ELOVL4: variants seen among roughly 807,000 people sequenced by gnomAD.
ELOVL4 encodes the protein ELOVL fatty acid elongase 4.
In ELOVL4, 18 loss-of-function variants were observed where a neutral mutation model predicts 42.1. That is an observed-to-expected ratio of 0.43 (90% CI 0.30 to 0.63). ELOVL4 has a LOEUF of 0.63. ELOVL4 is among the 30% of genes least tolerant of loss of function. The pLI is 0.15. For missense variants in ELOVL4, 299 were observed against 376.2 expected, an observed-to-expected ratio of 0.79 and a Z score of 1.70; for synonymous variants, 117 against 127.0, an observed-to-expected ratio of 0.92 and a Z score of 0.53.
At chr6:79,918,789 A>T (rs1173136384) in intron 5 of ELOVL4, among the ~76,000 whole-genome samples, 3 of 152,228 alleles carry the variant, frequency 2.0e-5, no homozygotes. Flanking sequence ...TGCCACAAAC[A>T]GTCTTACTAG....
At chr6:79,930,770 G>A (rs1236593223) in intron 1 of ELOVL4, among the ~76,000 whole-genome samples, 10 of 151,912 alleles carry the variant, frequency 6.6e-5, no homozygotes, top group South Asian at 2.1e-4. Context: ...TCATTAACTC[G>A]AATGTTTAAA....
chr6:79,930,271 T>C (rs1190746830), intron 1 of ELOVL4, among the ~76,000 whole-genome samples: 1 of 152,172 alleles, frequency 6.6e-6, no homozygotes, highest in East Asian at 1.9e-4. Context: ...TTTCAGCCTA[T>C]AAAAGGCCAC....
chr6:79,934,433 A>G (rs1259535854), intron 1 of ELOVL4, among the ~76,000 whole-genome samples: 1 of 152,110 alleles, frequency 6.6e-6, no homozygotes, highest in Admixed American at 6.5e-5. Context: ...TTAAGATGTG[A>G]TAACTAAATG....
Position 79,915,296 on chromosome 6 carries a change from T to C in ELOVL4, c.*1312A>G, listed in dbSNP as rs1233715057. ...GTTCACTTATATTACATGAAATACT[T>C]CATTTGTAAATAGCAAATTGAATGT... is the stretch of plus-strand genomic sequence containing the variant. On this transcript the variant is annotated 3_prime_UTR_variant, in exon 6 of 6. Coordinates refer to ENST00000369816, the MANE Select transcript of ELOVL4 (RefSeq NM_022726.4). 1 of 152,592 alleles carries C rather than the reference T, an allele frequency of 6.6e-6. No homozygotes were observed. Among genetic ancestry groups the C allele is most frequent in the African/African-American group, 2.4e-5 (1 of 41,462 alleles). The allele number at this position is 152,592 out of a possible 1,614,324, so 9.5% of individuals were successfully genotyped here.
chr6:79,936,307 T>G (rs1386701276), intron 1 of ELOVL4, among the ~76,000 whole-genome samples: 3 of 152,180 alleles, frequency 2.0e-5, no homozygotes, highest in Non-Finnish European at 2.9e-5. Flanking sequence ...CAGTTGCAAA[T>G]TAATTCCTTT....
chr6:79,936,324 A>C (rs527496098), intron 1 of ELOVL4, among the ~76,000 whole-genome samples: 1 of 152,236 alleles, frequency 6.6e-6, no homozygotes, highest in South Asian at 2.1e-4. Context: ...CTTTTTTTTA[A>C]ACATCTGGCT....
In ELOVL4 at chr6:79,947,461, G is replaced by A. The variant is rs1774771837; in HGVS notation, c.-182C>T. 6.4e-6 allele frequency: 4 copies of A among 621,144 alleles called. No homozygotes were observed. The Admixed American group carries it at 8.0e-5, about 12-fold the overall frequency. The allele number at this position is 621,144 out of a possible 1,614,324, so 38.5% of individuals were successfully genotyped here. A position where few individuals can be genotyped will look rare whatever the true frequency, so the allele number is the denominator to read the frequency against. ...GGCGGCGGGGATGCGGCAGAAGGCAGGGCCAAGCGGAAGGCGTCGTCAAGG... is the reference window on the plus strand; with the variant it reads ...GGCGGCGGGGATGCGGCAGAAGGCAAGGCCAAGCGGAAGGCGTCGTCAAGG... On this transcript the variant is annotated 5_prime_UTR_variant, in exon 1 of 6. Coordinates refer to ENST00000369816, the MANE Select transcript of ELOVL4 (RefSeq NM_022726.4).
At chr6:79,924,761 G>A (rs1014646261) in intron 3 of ELOVL4, among the ~76,000 whole-genome samples, 191 bp downstream of exon 3, 1 of 152,148 alleles carries the variant, frequency 6.6e-6, no homozygotes, top group African/African-American at 2.4e-5. Context: ...ATTGAGCCCA[G>A]GAGTTTGAGG....
At chr6:79,922,039 C>T (rs182978670) in intron 3 of ELOVL4, among the ~76,000 whole-genome samples, 2 of 152,248 alleles carry the variant, frequency 1.3e-5, no homozygotes, top group East Asian at 3.9e-4. Flanking sequence ...TCTGTCTATT[C>T]CATAGGTAGA....
At chr6:79,933,934 C>A (rs1008548953) in intron 1 of ELOVL4, among the ~76,000 whole-genome samples, 1 of 152,196 alleles carries the variant, frequency 6.6e-6, no homozygotes, top group African/African-American at 2.4e-5. Flanking sequence ...AAGAAAAGTT[C>A]AGGATTACTC....
At chr6:79,918,687 G>A (rs1774200084) in intron 5 of ELOVL4, among the ~76,000 whole-genome samples, 2 of 152,182 alleles carry the variant, frequency 1.3e-5, no homozygotes. Flanking sequence ...TCTAAAGCTT[G>A]AAAAATAGTT....
chr6:79,932,892 CTT>C (rs10571171), intron 1 of ELOVL4, among the ~76,000 whole-genome samples: 4,898 of 152,136 alleles, frequency 0.032, 109 homozygotes, highest in Middle Eastern at 0.061. Flanking sequence ...GACATTTGAA[CTT>C]TTTTTCAAAG....
rs1774135224 is a variant in ELOVL4 at position 79,915,105 on chromosome 6, A to T, written c.*1503T>A. ...GAAATAGTTTGTACAAACAGCATAC[A>T]TCCTACACATGCAGCTTTGACATGT... On this transcript the variant is annotated 3_prime_UTR_variant, in exon 6 of 6. Coordinates refer to ENST00000369816, the MANE Select transcript of ELOVL4 (RefSeq NM_022726.4). The T allele has an allele frequency of 6.6e-6, 1 of 152,580 alleles. No homozygotes were observed. The highest frequency in any genetic ancestry group is 2.4e-5 in the African/African-American group (1 of 41,464). The allele number at this position is 152,580 out of a possible 1,614,324, so 9.5% of individuals were successfully genotyped here. A position where few individuals can be genotyped will look rare whatever the true frequency, so the allele number is the denominator to read the frequency against.
intron 1 of ELOVL4, among the ~76,000 whole-genome samples, chr6:79,941,674 C>G (rs1481269326): frequency 6.6e-6 from 1 of 152,066 alleles, no homozygotes; most frequent in Admixed American, 6.6e-5. Flanking sequence ...GCAGCCAGGG[C>G]AACATGGTGA....
At chr6:79,922,917 T>C (rs566352377) in intron 3 of ELOVL4, among the ~76,000 whole-genome samples, 2 of 152,300 alleles carry the variant, frequency 1.3e-5, no homozygotes, top group East Asian at 1.9e-4. Context: ...TCATTAAAAA[T>C]GATATGAATT....
intron 1 of ELOVL4, among the ~76,000 whole-genome samples, chr6:79,942,249 G>GCTTT (rs1301767838): frequency 6.6e-6 from 1 of 152,106 alleles, no homozygotes; most frequent in African/African-American, 2.4e-5. Context: ...GTGGACCTTG[G>GCTTT]CTTTAAAAGG....
intron 1 of ELOVL4, among the ~76,000 whole-genome samples, chr6:79,932,366 C>T (rs189200722): frequency 1.1e-3 from 173 of 152,086 alleles, no homozygotes; most frequent in African/African-American, 3.9e-3. Context: ...CATGGTGAAA[C>T]CCTGTCTCTA....
intron 4 of ELOVL4, among the ~76,000 whole-genome samples, chr6:79,921,104 T>C (rs1262487552): frequency 6.6e-6 from 1 of 152,082 alleles, no homozygotes; most frequent in East Asian, 1.9e-4. Flanking sequence ...CTGGGGCAAA[T>C]CTTTAGGTAT....
At chr6:79,923,038 A>G (rs938942895) in intron 3 of ELOVL4, among the ~76,000 whole-genome samples, 3 of 152,144 alleles carry the variant, frequency 2.0e-5, no homozygotes, top group Non-Finnish European at 4.4e-5. Flanking sequence ...TGGCATCGTA[A>G]CCTTTAACTA....
Sources: allele counts gnomAD v4.1 joint callset (sites outside exome capture counted in the v4.1 genomes callset), GRCh38; gene constraint gnomAD v4.1.1; transcripts MANE v1.5; gene names NCBI Gene and HGNC (gene_info 2026-07-23, HGNC 2026-07-21).